Variants in LAMA3 observed in about 807,000 individuals in gnomAD.
The protein encoded by LAMA3 is laminin subunit alpha-3.
LAMA3 carries 281 observed loss-of-function variants against 402.0 expected under a neutral mutation model. That is an observed-to-expected ratio of 0.70 (90% CI 0.63 to 0.77). LAMA3 has a LOEUF of 0.77. Ranked by LOEUF, LAMA3 falls within the 30% of genes least tolerant of loss-of-function variation. The pLI is 0.00. For synonymous variants in LAMA3, 1,431 were observed against 1,558.4 expected (o/e 0.92, Z 1.93); for missense variants, 3,840 against 4,215.5 (o/e 0.91, Z 2.47).
chr18:23,690,509 T>C (rs568915270), intron 1 of LAMA3, among the ~76,000 whole-genome samples: 435 of 152,290 alleles, frequency 2.9e-3, no homozygotes, highest in Non-Finnish European at 4.0e-3. Context: ...ATCCAGTCAT[T>C]GGGGGCGAAT....
rs368024829 is a variant in LAMA3 at position 23,928,262 on chromosome 18, C to T, written c.8295+22C>T. The T allele has an allele frequency of 9.5e-6, 14 of 1,467,936 alleles. 1 individual carries two copies. Among genetic ancestry groups the T allele is most frequent in the South Asian group, 9.1e-5 (8 of 88,008 alleles). 90.9% of individuals were successfully genotyped at this position (1,467,936 alleles called of 1,614,324 possible). Reference sequence around the variant, plus strand: ...GAAGGTAAGTGAAAGTTCAGAACCTCGTGAAGGAGTGCTTCCCAGCCAACC... The same window carrying T: ...GAAGGTAAGTGAAAGTTCAGAACCTTGTGAAGGAGTGCTTCCCAGCCAACC... On this transcript the variant is annotated intron_variant, in intron 63 of 74. Transcript: ENST00000313654.
At chr18:23,942,140 C>G (rs1180907377) in intron 68 of LAMA3, among the ~76,000 whole-genome samples, 2 of 152,236 alleles carry the variant, frequency 1.3e-5, no homozygotes, top group African/African-American at 4.8e-5. Context: ...CTTCTGGTTT[C>G]TGCCTCCAAA....
chr18:23,869,910 T>A (rs1168127082), intron 37 of LAMA3, among the ~76,000 whole-genome samples: 2 of 151,506 alleles, frequency 1.3e-5, no homozygotes, highest in African/African-American at 4.9e-5. Flanking sequence ...CTACTAAAAA[T>A]ACAAAAAATT....
chr18:23,716,527 C>A lies in LAMA3; in HGVS notation c.447+2455C>A, dbSNP rs114880595. Among the ~76,000 whole-genome samples the A allele has an allele frequency of 7.0e-3, 1,067 of 152,282 alleles. 9 individuals are homozygous for A. The highest frequency in any genetic ancestry group is 0.024 in the African/African-American group (1,000 of 41,556). On this transcript the variant is annotated intron_variant, in intron 2 of 74. Coordinates refer to ENST00000313654, the MANE Select transcript of LAMA3 (RefSeq NM_198129.4). ...TTTTAATCCTTCAAAATGACCCATACTGAACTTACCCATGTCTGCTGGCTT... is the reference window on the plus strand; with the variant it reads ...TTTTAATCCTTCAAAATGACCCATAATGAACTTACCCATGTCTGCTGGCTT...
chr18:23,924,509 T>A (rs1419286137), intron 62 of LAMA3, among the ~76,000 whole-genome samples: 1 of 151,702 alleles, frequency 6.6e-6, no homozygotes, highest in African/African-American at 2.4e-5. Context: ...GCTTCCTTTT[T>A]CTGGGCAAGT....
chr18:23,835,853 C>G (rs45475492), intron 24 of LAMA3, among the ~76,000 whole-genome samples: 8 of 151,574 alleles, frequency 5.3e-5, no homozygotes, highest in Non-Finnish European at 1.0e-4. Context: ...TGAGTTCTAA[C>G]GATGTTAAAA....
intron 2 of LAMA3, among the ~76,000 whole-genome samples, chr18:23,717,587 C>T (rs930931354): frequency 9.0e-6 from 1 of 111,586 alleles, no homozygotes; most frequent in Admixed American, 1.3e-4. Flanking sequence ...GAGTCTCACT[C>T]TGTCACCCAA....
intron 38 of LAMA3, chr18:23,873,060 A>T: frequency 6.2e-7 from 1 of 1,614,174 alleles, no homozygotes; most frequent in East Asian, 2.2e-5. Flanking sequence ...TCCAGCAGTG[A>T]GGCGGTCAGC....
chr18:23,952,557 G>A (rs2082952703), intron 73 of LAMA3, among the ~76,000 whole-genome samples: 1 of 152,148 alleles, frequency 6.6e-6, no homozygotes, highest in African/African-American at 2.4e-5. Context: ...TAACATGAGA[G>A]GAATTTTGTG....
At chr18:23,699,311 TTGTA>T (rs2060749172) in intron 1 of LAMA3, among the ~76,000 whole-genome samples, 3 of 152,310 alleles carry the variant, frequency 2.0e-5, no homozygotes, top group African/African-American at 7.2e-5. Flanking sequence ...CACTTTATTT[TTGTA>T]TGTATTGATA....
At chr18:23,793,522 A>C (rs1452813538) in intron 12 of LAMA3, among the ~76,000 whole-genome samples, 2 of 151,766 alleles carry the variant, frequency 1.3e-5, no homozygotes, top group East Asian at 3.9e-4. Flanking sequence ...AGAGGTGCTC[A>C]GCAGACGACC....
chr18:23,865,002 T>C (rs1350196969), intron 36 of LAMA3, 119 bp downstream of exon 36: 11 of 735,586 alleles, frequency 1.5e-5, no homozygotes, highest in Non-Finnish European at 2.7e-5. Flanking sequence ...ATTTCCAATA[T>C]TTTGCAGAAA....
At chr18:23,851,415 C>T (rs1274161342) in intron 32 of LAMA3, among the ~76,000 whole-genome samples, 2 of 152,198 alleles carry the variant, frequency 1.3e-5, no homozygotes, top group Admixed American at 1.3e-4. Flanking sequence ...TGCGTCCTGT[C>T]TCTGCCGCTC....
At chr18:23,902,116 A>C (rs1365011802) in intron 48 of LAMA3, among the ~76,000 whole-genome samples, 1 of 152,150 alleles carries the variant, frequency 6.6e-6, no homozygotes, top group Non-Finnish European at 1.5e-5. Context: ...TGGGCCCAGG[A>C]GTTTGAGACC....
chr18:23,842,489 A>G lies in LAMA3; in HGVS notation c.3431A>G (p.Gln1144Arg), dbSNP rs1238644241. The G allele has an allele frequency of 6.2e-7, 1 of 1,614,150 alleles. No individual in the cohort carries two copies. The highest frequency in any genetic ancestry group is 1.1e-5 in the South Asian group (1 of 91,078). Residue 1144 changes from glutamine (Q) to arginine (R), a missense_variant, in exon 28 of 75, where the codon CAG (glutamine) becomes CGG (arginine). Transcript: ENST00000313654. ...GCAGCGCACCCGACGTTTCCCGCGC[A>G]GGTGTCGGTGGATGGCGGGTGGCCA... ...YQAAHPTFPA[Q>R]VSVDGGWPRA... is the part of the protein sequence containing the mutation.
rs776773668 is a variant in LAMA3 at position 23,879,623 on chromosome 18, G to A, written c.5113-2313G>A. ...GTGACAAATGGAGCTAGGAGAGCAC[G>A]TGCCATGGGAGTGGACGTGGGCTTC... On this transcript the variant is annotated intron_variant, in intron 39 of 74. Transcript: ENST00000313654. The surrounding 1 kb of genome is among the most constrained non-coding windows in gnomAD (Gnocchi z 4.2). Among the ~76,000 whole-genome samples the A allele has an allele frequency of 9.9e-5, 15 of 152,228 alleles. No homozygotes were observed. Among genetic ancestry groups the A allele is most frequent in the Non-Finnish European group, 1.6e-4 (11 of 68,042 alleles).
chr18:23,748,192 G>T, intron 3 of LAMA3, 132 bp downstream of exon 3: 1 of 711,328 alleles, frequency 1.4e-6, no homozygotes, highest in South Asian at 1.5e-5. Context: ...ATTTTGGAAG[G>T]CCAAGGCGGG....
chr18:23,775,305 A>AT (rs1340509950), intron 9 of LAMA3, among the ~76,000 whole-genome samples: 3 of 152,002 alleles, frequency 2.0e-5, no homozygotes, highest in African/African-American at 4.8e-5. Context: ...TCAGATTAAC[A>AT]TTTTTTTTAT....
intron 1 of LAMA3, among the ~76,000 whole-genome samples, chr18:23,692,481 A>G (rs1021775131): frequency 3.9e-5 from 6 of 152,176 alleles, no homozygotes; most frequent in Admixed American, 2.0e-4. Context: ...CATGTCGGCC[A>G]GGCTGGTCTC....
Sources: allele counts gnomAD v4.1 joint callset (sites outside exome capture counted in the v4.1 genomes callset), GRCh38; gene constraint gnomAD v4.1.1; non-coding constraint Gnocchi (gnomAD v3.1); transcripts MANE v1.5; gene names NCBI Gene and HGNC (gene_info 2026-07-23, HGNC 2026-07-21).